The following FLYWCH1 variants were observed in gnomAD, a reference collection of about 807,000 sequenced individuals.
The protein encoded by FLYWCH1 is FLYWCH-type zinc finger-containing protein 1.
A neutral mutation model predicts 66.4 loss-of-function variants in FLYWCH1; 75 were observed. The observed-to-expected ratio is 1.13, with a 90% CI of 0.94 to 1.37. The LOEUF is 1.37. FLYWCH1 is among the 40% of genes most tolerant of loss of function. The probability of loss-of-function intolerance (pLI) is 0.00; values close to 1 mark genes in which losing one functional copy is unlikely to be tolerated. For missense variants in FLYWCH1, 1,334 were observed against 1,001.8 expected, an observed-to-expected ratio of 1.33 and a Z score of -4.48; for synonymous variants, 595 against 429.9, an observed-to-expected ratio of 1.38 and a Z score of -4.75.
intron 9 of FLYWCH1, among the ~76,000 whole-genome samples, chr16:2,944,260 C>T (rs981877327): frequency 2.0e-5 from 3 of 146,766 alleles, no homozygotes; most frequent in African/African-American, 7.6e-5. Context: ...ACAGGTACAG[C>T]GCACCTGTAA....
At chr16:2,923,973 G>T (rs544088175) in intron 2 of FLYWCH1, among the ~76,000 whole-genome samples, 1 of 152,200 alleles carries the variant, frequency 6.6e-6, no homozygotes, top group East Asian at 1.9e-4. Context: ...GGAGGTGGAG[G>T]TTGCATTGAG....
At chr16:2,921,128 A>C (rs1346217291) in intron 2 of FLYWCH1, among the ~76,000 whole-genome samples, 1 of 152,208 alleles carries the variant, frequency 6.6e-6, no homozygotes, top group African/African-American at 2.4e-5. Context: ...GGCGTGAGCC[A>C]CCATTCCCAG....
At chr16:2,934,086 T>C in intron 6 of FLYWCH1, 107 bp downstream of exon 6, 3 of 1,307,354 alleles carry the variant, frequency 2.3e-6, no homozygotes, top group South Asian at 3.1e-5. Flanking sequence ...CCTCTTCCCT[T>C]CTTTGAACAT....
Position 2,933,503 on chromosome 16 carries a change from G to C in FLYWCH1, c.1170G>C (p.Lys390Asn). 6.2e-7 allele frequency: 1 copy of C among 1,611,690 alleles called. No homozygotes were observed. The highest frequency in any genetic ancestry group is 8.5e-7 in the Non-Finnish European group (1 of 1,179,172). Residue 390 changes from lysine to asparagine, a missense_variant, in exon 5 of 10, where the codon AAG becomes AAC. Lys to Asn is a moderately conservative substitution (Grantham distance 94). Transcript: ENST00000253928. ...CTCTCACCAGGCCTCGGCCCAGAAA[G>C]CGAGCAAAGGTCGAAGACCAGGAGC... ...PLTLTRPRPRKRAKVEDQELP... is the reference protein window; with the variant it reads ...PLTLTRPRPRNRAKVEDQELP...
intron 6 of FLYWCH1, chr16:2,934,563 G>A: frequency 2.2e-6 from 1 of 444,786 alleles, no homozygotes; most frequent in South Asian, 1.6e-5. Context: ...TGGCTGAGGA[G>A]CCATTTCATC....
At chr16:2,912,355 C>G (rs947516734) in intron 1 of FLYWCH1, among the ~76,000 whole-genome samples, 2 of 141,106 alleles carry the variant, frequency 1.4e-5, no homozygotes, top group Non-Finnish European at 3.1e-5. Context: ...CGTCCCCTGG[C>G]CTAAGCCCGA....
rs906153681 is a variant in FLYWCH1 at position 2,929,751 on chromosome 16, C to T, written c.66C>T (p.Pro22=). 5 of 1,613,734 alleles carry T rather than the reference C, an allele frequency of 3.1e-6. No homozygotes were observed. In the Admixed American group the frequency reaches 5.0e-5, roughly 16 times the overall value. ...TGAAGGCCGGCCAGGAGCCATCCCCCAAGCCAGGCACGGACGTCATCCCGG... is the reference window on the plus strand; with the variant it reads ...TGAAGGCCGGCCAGGAGCCATCCCCTAAGCCAGGCACGGACGTCATCCCGG... ...ESVKAGQEPS[P]KPGTDVIPAA... The change falls in exon 3 of 10, where the codon CCC becomes CCT. Residue 22 remains proline, a synonymous_variant. Transcript: ENST00000253928.
At chr16:2,919,897 C>T (rs868785497) in intron 2 of FLYWCH1, among the ~76,000 whole-genome samples, 15 of 152,082 alleles carry the variant, frequency 9.9e-5, no homozygotes, top group Non-Finnish European at 1.5e-4. Context: ...GCGCTTCCCC[C>T]GTGACGGGTG....
At chr16:2,934,120 C>T (rs2070896616) in intron 6 of FLYWCH1, 141 bp downstream of exon 6, 6 of 1,097,712 alleles carry the variant, frequency 5.5e-6, no homozygotes, top group Non-Finnish European at 7.6e-6. Flanking sequence ...ATGGCCCTGG[C>T]CTCCTACTCC....
chr16:2,934,143 A>C (rs1202037409), intron 6 of FLYWCH1, among the ~76,000 whole-genome samples, 164 bp downstream of exon 6: 1 of 152,082 alleles, frequency 6.6e-6, no homozygotes, highest in Non-Finnish European at 1.5e-5. Flanking sequence ...GGCCCCCCTG[A>C]TGCCGCTTTC....
chr16:2,924,506 G>C (rs1291301976), intron 2 of FLYWCH1, among the ~76,000 whole-genome samples: 1 of 152,206 alleles, frequency 6.6e-6, no homozygotes, highest in Non-Finnish European at 1.5e-5. Flanking sequence ...GCATCTAAGA[G>C]ACTGCTGGGC....
intron 6 of FLYWCH1, chr16:2,936,894 C>G (rs1399660397): frequency 1.5e-6 from 1 of 662,556 alleles, no homozygotes; most frequent in African/African-American, 1.8e-5. Context: ...CGCTTGGCCG[C>G]CACCTGCAGG....
intron 9 of FLYWCH1, among the ~76,000 whole-genome samples, chr16:2,942,020 A>C (rs927031027): frequency 2.7e-5 from 4 of 150,844 alleles, no homozygotes; most frequent in East Asian, 1.9e-4. Context: ...AAAAAAAAAA[A>C]AAACTGAAGC....
intron 6 of FLYWCH1, chr16:2,935,454 T>G (rs1203182851): frequency 6.6e-6 from 1 of 152,312 alleles, no homozygotes; most frequent in African/African-American, 2.4e-5. Context: ...GGCCCAGCTG[T>G]CCCTCGGGGT....
chr16:2,933,822 C>A lies in FLYWCH1; in HGVS notation c.1356C>A (p.Cys452Ter), dbSNP rs746828171. Reference sequence around the variant, plus strand: ...CTGGGGAGAAGGTGTATTGGACCTGCCGGGACCAGGCCCGCATGGGCTGCC... The same window carrying A: ...CTGGGGAGAAGGTGTATTGGACCTGACGGGACCAGGCCCGCATGGGCTGCC... ...KAAGEKVYWT[C>*]RDQARMGCRS... Residue 452 changes from cysteine (C) to a stop codon, truncating the protein, a stop_gained, in exon 6 of 10, where the codon TGC (cysteine) becomes TGA (stop). Transcript: ENST00000253928. LOFTEE classifies it high-confidence loss of function. 1.7e-5 allele frequency: 27 copies of A among 1,608,914 alleles called. No individual in the cohort carries two copies. Among genetic ancestry groups the A allele is most frequent in the Non-Finnish European group, 1.9e-5 (22 of 1,178,178 alleles).
intron 9 of FLYWCH1, among the ~76,000 whole-genome samples, chr16:2,945,675 A>C (rs139038198): frequency 9.0e-4 from 136 of 151,146 alleles, no homozygotes; most frequent in African/African-American, 3.1e-3. Flanking sequence ...TTAAAGTCCA[A>C]CTTAAAAATT....
chr16:2,913,684 T>C (rs1367459727), intron 1 of FLYWCH1, among the ~76,000 whole-genome samples: 1 of 152,110 alleles, frequency 6.6e-6, no homozygotes, highest in Non-Finnish European at 1.5e-5. Flanking sequence ...TAAATTTTAA[T>C]TATCTGGGCA....
intron 2 of FLYWCH1, among the ~76,000 whole-genome samples, chr16:2,920,498 T>A (rs1277929899): frequency 6.8e-6 from 1 of 146,736 alleles, no homozygotes; most frequent in East Asian, 2.0e-4. Flanking sequence ...TGGGTGGCCG[T>A]GAGACTCTGT....
At chr16:2,936,611 C>G in intron 6 of FLYWCH1, 1 of 457,406 alleles carries the variant, frequency 2.2e-6, no homozygotes, top group South Asian at 1.5e-5. Flanking sequence ...CACAGCCACC[C>G]GCCAGGTCCT....
Sources: allele counts gnomAD v4.1 joint callset (sites outside exome capture counted in the v4.1 genomes callset), GRCh38; gene constraint gnomAD v4.1.1; transcripts MANE v1.5; gene names NCBI Gene and HGNC (gene_info 2026-07-23, HGNC 2026-07-21).